The following MAOB variants were observed in gnomAD, a reference collection of about 807,000 sequenced individuals.
MAOB encodes amine oxidase [flavin-containing] B.
Under a neutral mutation model 41.9 loss-of-function variants are expected in MAOB, and 15 were observed. The ratio of observed to expected loss-of-function variants is 0.36; its 90% CI spans 0.24 to 0.55. The LOEUF (loss-of-function observed/expected upper bound fraction) is 0.55. Ranked by LOEUF, MAOB falls within the 20% of genes least tolerant of loss-of-function variation. The pLI, the probability that MAOB is intolerant of heterozygous loss-of-function variation, is 0.86. For synonymous variants in MAOB, 167 were observed against 144.2 expected, an observed-to-expected ratio of 1.16 and a Z score of -1.13; for missense variants, 345 against 398.7, an observed-to-expected ratio of 0.87 and a Z score of 1.15.
intron 12 of MAOB, among the ~76,000 whole-genome samples, chrX:43,770,169 C>T (rs1448772137): frequency 1.8e-5 from 2 of 111,409 alleles, no homozygotes; most frequent in South Asian, 3.8e-4. Context: ...CCTACTAGGT[C>T]ATGCCTCCTT....
chrX:43,791,228 A>G lies in MAOB; in HGVS notation c.928+2191T>C, dbSNP rs553935008. Among the ~76,000 whole-genome samples, 4 of 111,678 alleles carry G rather than the reference A, an allele frequency of 3.6e-5. No individual in the cohort carries two copies. The South Asian group carries it at 1.5e-3, about 42-fold the overall frequency. ...GGAGCCTGTGATGCAGCGGAAAAAGAGTAGTTACACAGGAAGAAGCACCCT... is the reference window on the plus strand; with the variant it reads ...GGAGCCTGTGATGCAGCGGAAAAAGGGTAGTTACACAGGAAGAAGCACCCT... On this transcript the variant is annotated intron_variant, in intron 8 of 14. Transcript: ENST00000378069.
At chrX:43,780,245 T>C in intron 10 of MAOB, 97 bp downstream of exon 10, 2 of 684,420 alleles carry the variant, frequency 2.9e-6, no homozygotes, top group Non-Finnish European at 4.4e-6. Flanking sequence ...GGCAGGCAAG[T>C]AGGTAGAAAA....
At chrX:43,839,198 C>T (rs1035605389) in intron 2 of MAOB, among the ~76,000 whole-genome samples, 193 bp from the exon 3 acceptor site, 2 of 111,930 alleles carry the variant, frequency 1.8e-5, no homozygotes, top group Admixed American at 1.9e-4. Flanking sequence ...ATCTTTAAAG[C>T]AAAATTGATT....
chrX:43,809,308 G>A (rs978939966), intron 3 of MAOB, among the ~76,000 whole-genome samples: 1 of 112,154 alleles, frequency 8.9e-6, no homozygotes, highest in African/African-American at 3.2e-5. Context: ...TCCTAACTCA[G>A]GAATGCTCCT....
intron 8 of MAOB, among the ~76,000 whole-genome samples, chrX:43,789,367 T>C (rs1291725360): frequency 8.9e-6 from 1 of 112,588 alleles, no homozygotes; most frequent in Non-Finnish European, 1.9e-5. Context: ...ATTTTTCACA[T>C]ACTTTCAGTT....
At chrX:43,774,600 T>C (rs185196155) in intron 12 of MAOB, among the ~76,000 whole-genome samples, 1 of 111,990 alleles carries the variant, frequency 8.9e-6, no homozygotes, top group African/African-American at 3.2e-5. Context: ...ACAAAGTTTG[T>C]TATTGGTAGA....
intron 3 of MAOB, among the ~76,000 whole-genome samples, chrX:43,813,130 T>G (rs1569219886): frequency 8.9e-6 from 1 of 112,277 alleles, no homozygotes; most frequent in Non-Finnish European, 1.9e-5. Context: ...AACTAGTATG[T>G]GGCAGCAGGA....
intron 3 of MAOB, among the ~76,000 whole-genome samples, chrX:43,803,814 G>A (rs1306857898): frequency 1.8e-5 from 2 of 111,087 alleles, no homozygotes; most frequent in African/African-American, 6.6e-5. Flanking sequence ...AACTTAGAAG[G>A]GGATCAAAAA....
At chrX:43,825,278 G>C (rs781703628) in intron 3 of MAOB, among the ~76,000 whole-genome samples, 4 of 111,394 alleles carry the variant, frequency 3.6e-5, no homozygotes, top group Non-Finnish European at 7.5e-5. Flanking sequence ...CCAGCCACAG[G>C]GGGTTCCTTG....
intron 10 of MAOB, among the ~76,000 whole-genome samples, chrX:43,779,690 G>A (rs112515517): frequency 9.0e-6 from 1 of 111,213 alleles, no homozygotes; most frequent in Non-Finnish European, 1.9e-5. Context: ...GGAAGAGGCC[G>A]AGGCAGACCG....
At chrX:43,880,886 AAGGCAGCATCAAG>A (rs1010425424) in intron 1 of MAOB, among the ~76,000 whole-genome samples, 1 of 112,803 alleles carries the variant, frequency 8.9e-6, no homozygotes, top group African/African-American at 3.2e-5. Flanking sequence ...GGTGCTATGC[AAGGCAGCATCAAG>A]AGGCACTTAG....
Position 43,809,572 on chromosome X carries a change from T to C in MAOB, c.280-6168A>G, listed in dbSNP as rs73473850. ...GAGCTATTGTTAGACTCATAAAAAT[T>C]TGCAAATCTTCAAGCTTCAGGGAGT... On this transcript the variant is annotated intron_variant, in intron 3 of 14. Transcript: ENST00000378069. Among the ~76,000 whole-genome samples, 883 of 111,959 alleles carry C rather than the reference T, an allele frequency of 7.9e-3. 10 individuals are homozygous for C. Among genetic ancestry groups the C allele is most frequent in the African/African-American group, 0.027 (847 of 30,829 alleles).
chrX:43,803,369 A>G lies in MAOB; in HGVS notation c.315T>C (p.Pro105=), dbSNP rs1251660315. The stretch of plus-strand genomic sequence containing the variant: ...CTAAGTAGGTAATTGGATTCCATAC[A>G]GGTGGGAATGGCCCCCTGAAGGGGT... The part of the protein sequence containing the change: ...KSYPFRGPFP[P]VWNPITYLDH... The change falls in exon 4 of 15, where the codon CCT becomes CCC. Residue 105 remains proline, a synonymous_variant. Coordinates refer to ENST00000378069, the MANE Select transcript of MAOB (RefSeq NM_000898.5). 2.6e-6 allele frequency: 3 copies of G among 1,171,524 alleles called. No individual in the cohort carries two copies. The highest frequency in any genetic ancestry group is 2.3e-6 in the Non-Finnish European group (2 of 881,411).
chrX:43,809,983 C>G (rs747051933), intron 3 of MAOB, among the ~76,000 whole-genome samples: 1 of 101,448 alleles, frequency 9.9e-6, no homozygotes, highest in East Asian at 2.9e-4. Context: ...GTGGCTCACG[C>G]CTGTAATCCC....
intron 3 of MAOB, among the ~76,000 whole-genome samples, chrX:43,806,633 T>C (rs1405572657): frequency 1.8e-5 from 2 of 111,322 alleles, no homozygotes; most frequent in African/African-American, 6.5e-5. Flanking sequence ...AAGAGAGTCA[T>C]TAAGTTCAGA....
chrX:43,844,792 G>C (rs1249987503), intron 1 of MAOB: 1 of 111,964 alleles, frequency 8.9e-6, no homozygotes, highest in African/African-American at 3.3e-5. Context: ...GTGACCTCCG[G>C]TGGGCTCTCG....
intron 1 of MAOB, among the ~76,000 whole-genome samples, chrX:43,875,227 C>T (rs2035432304): frequency 9.0e-6 from 1 of 111,479 alleles, no homozygotes; most frequent in Admixed American, 9.6e-5. Flanking sequence ...GCTGAGGGCT[C>T]ATCCTCCAGG....
At chrX:43,776,110 G>T (rs746883532) in intron 11 of MAOB, among the ~76,000 whole-genome samples, 1 of 112,040 alleles carries the variant, frequency 8.9e-6, no homozygotes, top group Admixed American at 9.4e-5. Context: ...CACGCTACAC[G>T]CCCCAGCACC....
chrX:43,825,003 T>C (rs2034928618), intron 3 of MAOB, among the ~76,000 whole-genome samples: 1 of 112,853 alleles, frequency 8.9e-6, no homozygotes, highest in African/African-American at 3.2e-5. Flanking sequence ...GTTCTTAGAA[T>C]TGCCCTCTAG....
Sources: gnomAD v4.1 joint callset for allele counts (sites outside exome capture counted in the v4.1 genomes callset) on GRCh38, gnomAD v4.1.1 for gene constraint, MANE v1.5 for transcripts, NCBI Gene and HGNC (gene_info 2026-07-23, HGNC 2026-07-21) for gene names.